The following ABCG1 variants were observed in gnomAD, a reference collection of about 807,000 sequenced individuals.
ABCG1 encodes the protein ATP-binding cassette sub-family G member 1.
Under a neutral mutation model 69.2 loss-of-function variants are expected in ABCG1, and 29 were observed. The ratio of observed to expected loss-of-function variants is 0.42; its 90% CI spans 0.31 to 0.57. ABCG1 has a LOEUF of 0.57. Ranked by LOEUF, ABCG1 falls within the 20% of genes least tolerant of loss-of-function variation. ABCG1 has a pLI of 0.15. For synonymous variants in ABCG1, 370 were observed against 374.8 expected (o/e 0.99, Z 0.15); for missense variants, 718 against 898.1 (o/e 0.80, Z 2.56).
intron 2 of ABCG1, among the ~76,000 whole-genome samples, chr21:42,231,481 C>T (rs144555695): frequency 0.013 from 1,967 of 152,326 alleles, 28 homozygotes; most frequent in Middle Eastern, 0.02. Flanking sequence ...TTTGCTTCTA[C>T]GCTATAAAAA....
At chr21:42,233,593 A>G (rs1200869128) in intron 2 of ABCG1, among the ~76,000 whole-genome samples, 1 of 152,256 alleles carries the variant, frequency 6.6e-6, no homozygotes, top group Non-Finnish European at 1.5e-5. Context: ...TGGTCTTGAA[A>G]TAAGCTCACA....
chr21:42,219,682 G>A lies in ABCG1; in HGVS notation c.42+378G>A. The A allele has an allele frequency of 1.3e-6, 1 of 751,494 alleles. No individual in the cohort carries two copies. Among genetic ancestry groups the A allele is most frequent in the East Asian group, 3.2e-5 (1 of 30,970 alleles). The allele number at this position is 751,494 out of a possible 1,614,324, so 46.6% of individuals were successfully genotyped here. On this transcript the variant is annotated intron_variant, in intron 1 of 14. Transcript: ENST00000398449. This position sits in a 1 kb window ranked among gnomAD's most constrained non-coding sequence, Gnocchi z 5.3. ...TGGGGAGGGGCCGCAGCTTGGGCCG[G>A]AGGGAAGAGGGGACTTGAAGAAGGG...
chr21:42,257,088 A>G (rs1313279121), intron 2 of ABCG1, among the ~76,000 whole-genome samples: 1 of 152,240 alleles, frequency 6.6e-6, no homozygotes. Flanking sequence ...CCTTAAGGTT[A>G]AGTACTCATT....
At chr21:42,256,303 C>A in intron 2 of ABCG1, 1 of 1,532,316 alleles carries the variant, frequency 6.5e-7, no homozygotes, top group Non-Finnish European at 8.8e-7. Context: ...CCAACTTTTG[C>A]CCGGAGTCTA....
At chr21:42,247,901 T>G (rs529307173) in intron 2 of ABCG1, among the ~76,000 whole-genome samples, 15 of 152,226 alleles carry the variant, frequency 9.9e-5, no homozygotes, top group Non-Finnish European at 1.8e-4. Context: ...AGCAAGAGCC[T>G]GGAGACGCAA....
At chr21:42,295,958 T>C (rs527661744) in intron 14 of ABCG1, among the ~76,000 whole-genome samples, 177 of 152,188 alleles carry the variant, frequency 1.2e-3, no homozygotes, top group Non-Finnish European at 1.3e-3. Flanking sequence ...GGAAACAAAA[T>C]TGGAAGAAAA....
intron 2 of ABCG1, among the ~76,000 whole-genome samples, chr21:42,227,985 T>G (rs2067844345): frequency 6.6e-6 from 1 of 152,194 alleles, no homozygotes; most frequent in Non-Finnish European, 1.5e-5. Context: ...CCTTGACACG[T>G]GGGGATTACA....
rs568170242 is a variant in ABCG1 at position 42,273,218 on chromosome 21, C to G, written c.405-85C>G. On this transcript the variant is annotated intron_variant, in intron 3 of 14. Transcript: ENST00000398449. The surrounding 1 kb of genome is among the most constrained non-coding windows in gnomAD (Gnocchi z 5.3). ...GGGAAGATGCTGGGAGGCAAGCCCC[C>G]GTCTCTGGCTCCCCTCTCCTGCCCC... 37 of 1,518,740 alleles carry G rather than the reference C, an allele frequency of 2.4e-5. No homozygotes were observed. In the South Asian group the frequency reaches 3.6e-4, roughly 15 times the overall value. The allele number at this position is 1,518,740 out of a possible 1,614,324, so 94.1% of individuals were successfully genotyped here.
intron 2 of ABCG1, among the ~76,000 whole-genome samples, chr21:42,209,138 G>C (rs115998832): frequency 6.6e-6 from 1 of 152,316 alleles, no homozygotes; most frequent in African/African-American, 2.4e-5. Context: ...CTTGAACTGT[G>C]GCCTTTGGAG....
intron 2 of ABCG1, among the ~76,000 whole-genome samples, chr21:42,226,520 T>C (rs1027675195): frequency 6.6e-6 from 1 of 152,236 alleles, no homozygotes; most frequent in African/African-American, 2.4e-5. Context: ...TGCCACTAGC[T>C]TGTTGCATGT....
intron 14 of ABCG1, 28 bp downstream of exon 14, chr21:42,294,688 G>A (rs1569244069): frequency 3.8e-6 from 6 of 1,594,892 alleles, no homozygotes; most frequent in Non-Finnish European, 5.2e-6. Context: ...CGCATGGCGT[G>A]GGGACCGAGG....
chr21:42,244,184 A>T (rs1319322676), intron 2 of ABCG1, among the ~76,000 whole-genome samples: 1 of 152,196 alleles, frequency 6.6e-6, no homozygotes, highest in African/African-American at 2.4e-5. Flanking sequence ...TGTAAGTGAT[A>T]AAATTATTTG....
At chr21:42,252,323 G>C (rs988041868) in intron 2 of ABCG1, among the ~76,000 whole-genome samples, 1 of 152,102 alleles carries the variant, frequency 6.6e-6, no homozygotes, top group Admixed American at 6.5e-5. Flanking sequence ...TTTTCTTTCA[G>C]AGTTTGAATT....
chr21:42,290,801 G>A (rs1311617882), intron 11 of ABCG1, among the ~76,000 whole-genome samples: 1 of 152,200 alleles, frequency 6.6e-6, no homozygotes, highest in African/African-American at 2.4e-5. Flanking sequence ...AGAAGAGGCA[G>A]ACTCAGGAAG....
intron 3 of ABCG1, among the ~76,000 whole-genome samples, chr21:42,271,809 A>T (rs547809262): frequency 3.3e-5 from 5 of 152,272 alleles, no homozygotes; most frequent in African/African-American, 1.2e-4. Flanking sequence ...ATTTGAACCC[A>T]GGAGGCAGAG....
chr21:42,232,696 T>C (rs1325520044), intron 2 of ABCG1, among the ~76,000 whole-genome samples: 2 of 152,186 alleles, frequency 1.3e-5, no homozygotes, highest in Non-Finnish European at 2.9e-5. Flanking sequence ...CTGCCTTGAA[T>C]AGGCTTGTAT....
intron 13 of ABCG1, among the ~76,000 whole-genome samples, chr21:42,292,456 A>G (rs2146347460): frequency 6.6e-6 from 1 of 152,138 alleles, no homozygotes; most frequent in East Asian, 1.9e-4. Flanking sequence ...GGCCAGCCCC[A>G]GTGCACCTGC....
chr21:42,231,342 A>T (rs1288106380), intron 2 of ABCG1, among the ~76,000 whole-genome samples: 1 of 152,242 alleles, frequency 6.6e-6, no homozygotes, highest in Non-Finnish European at 1.5e-5. Flanking sequence ...TGGCCTCCAC[A>T]TGGTGACGCT....
chr21:42,231,213 C>T (rs2067896808), intron 2 of ABCG1, among the ~76,000 whole-genome samples: 1 of 152,240 alleles, frequency 6.6e-6, no homozygotes, highest in Non-Finnish European at 1.5e-5. Flanking sequence ...ACAGGTGAAG[C>T]GATTCTCAGA....
Sources: allele counts gnomAD v4.1 joint callset (sites outside exome capture counted in the v4.1 genomes callset), GRCh38; gene constraint gnomAD v4.1.1; non-coding constraint Gnocchi (gnomAD v3.1); transcripts MANE v1.5; gene names NCBI Gene and HGNC (gene_info 2026-07-23, HGNC 2026-07-21).